SH2B2: variants seen among roughly 807,000 people sequenced by gnomAD.
SH2B2 encodes the protein SH2B adaptor protein 2.
SH2B2 carries 37 observed loss-of-function variants against 35.7 expected under a neutral mutation model. The ratio of observed to expected loss-of-function variants is 1.04; its 90% confidence interval spans 0.80 to 1.36. The LOEUF (loss-of-function observed/expected upper bound fraction) is 1.36, where lower values mean the gene tolerates loss of function less well. Ranked by LOEUF, SH2B2 falls within the 40% of genes most tolerant of loss-of-function variation. The pLI, the probability that SH2B2 is intolerant of heterozygous loss-of-function variation, is 0.00. For missense variants in SH2B2, 852 were observed against 817.7 expected (o/e 1.04, Z -0.51); for synonymous variants, 383 against 376.4 (o/e 1.02, Z -0.20).
At position 102,321,331 on chromosome 7, in the gene SH2B2, TC is replaced by T. The variant is rs1554558452; in HGVS notation, c.1604del (p.Pro535ArgfsTer113). 4.9e-6 allele frequency: 7 copies of T among 1,435,688 alleles called. No homozygotes were observed. Among genetic ancestry groups the T allele is most frequent in the South Asian group, 4.1e-5 (3 of 73,200 alleles). 88.9% of individuals were successfully genotyped at this position (1,435,688 alleles called of 1,614,324 possible). Reference sequence around the variant, plus strand: ...CCCCACGCCCCCTGCCGCGCCCGCGTCCCCGGCCTGCTGGAGCGACTCGCCC... The same window carrying T: ...CCCCACGCCCCCTGCCGCGCCCGCGTCCCGGCCTGCTGGAGCGACTCGCCC... ...PGPTPPAAPA[S>X]PACWSDSPGQ... On this transcript the variant is annotated frameshift_variant, in exon 9 of 9. Coordinates refer to ENST00000444095, the MANE Select transcript of SH2B2 (RefSeq NM_001359228.2). LOFTEE classifies it low-confidence loss of function (END_TRUNC).
At chr7:102,306,235 C>T (rs1793393539) in intron 2 of SH2B2, among the ~76,000 whole-genome samples, 1 of 152,180 alleles carries the variant, frequency 6.6e-6, no homozygotes, top group Non-Finnish European at 1.5e-5. Context: ...TACAGGCATG[C>T]ACCACCACGC....
chr7:102,312,372 C>G (rs984483271), intron 4 of SH2B2, among the ~76,000 whole-genome samples: 3 of 152,046 alleles, frequency 2.0e-5, no homozygotes, highest in Non-Finnish European at 2.9e-5. Flanking sequence ...GAGACTCTGT[C>G]TCAAAAAAAG....
chr7:102,299,678 A>G lies in SH2B2; in HGVS notation c.-29-844A>G, dbSNP rs115175234. Among the ~76,000 whole-genome samples the G allele has an allele frequency of 8.6e-3, 1,307 of 152,260 alleles. 17 individuals carry two copies. Among genetic ancestry groups the G allele is most frequent in the African/African-American group, 0.03 (1,234 of 41,540 alleles). ...GGAGCTGAGTCCTCGGTATATTTCA[A>G]AGGTCCAGCCAGCAGGATTCCATGT... On this transcript the variant is annotated intron_variant, in intron 1 of 8. Transcript: ENST00000444095.
rs1196873331 is a variant in SH2B2 at position 102,313,509 on chromosome 7, A to G, written c.924-827A>G. Reference sequence around the variant, plus strand: ...GCTATGTTGCCCGAGCTGATCTCAAACTCCTGACCTCAAGTGATCCTCCCA... The same window carrying G: ...GCTATGTTGCCCGAGCTGATCTCAAGCTCCTGACCTCAAGTGATCCTCCCA... On this transcript the variant is annotated intron_variant, in intron 4 of 8. Transcript: ENST00000444095. Among the ~76,000 whole-genome samples, 15 of 152,128 alleles carry G rather than the reference A, an allele frequency of 9.9e-5. No individual in the cohort carries two copies. In the East Asian group the frequency reaches 2.9e-3, roughly 29 times the overall value.
intron 1 of SH2B2, among the ~76,000 whole-genome samples, chr7:102,288,881 T>C (rs1792561501): frequency 6.6e-6 from 1 of 152,240 alleles, no homozygotes; most frequent in African/African-American, 2.4e-5. Flanking sequence ...CTGGCACTTC[T>C]TGCCCTGCCT....
Position 102,301,062 on chromosome 7 carries a change from C to G in SH2B2, c.512C>G (p.Pro171Arg). The G allele has an allele frequency of 1.4e-6, 2 of 1,381,930 alleles. No individual in the cohort carries two copies. The highest frequency in any genetic ancestry group is 1.9e-6 in the Non-Finnish European group (2 of 1,072,590). The allele number at this position is 1,381,930 out of a possible 1,614,324, so 85.6% of individuals were successfully genotyped here. A position where few individuals can be genotyped will look rare whatever the true frequency, so the allele number is the denominator to read the frequency against. ...DAAAAPRTAEPRDKWTRRLRL... is the reference protein window; with the variant it reads ...DAAAAPRTAERRDKWTRRLRL... ...GCAGCTGCCCCGCGCACCGCCGAGC[C>G]CCGCGACAAGTGGACGCGGCGCCTG... Residue 171 changes from proline (P) to arginine (R), a missense_variant, in exon 2 of 9, where the codon CCC becomes CGC. Pro to Arg is a moderately radical substitution (Grantham distance 103). Around this residue, in one of 3 missense-constraint regions of SH2B2, gnomAD observed 294 missense variants for 286.6 expected, o/e 1.03. Transcript: ENST00000444095.
Position 102,298,047 on chromosome 7 carries a change from AATT to A in SH2B2, c.-29-2474_-29-2472del, listed in dbSNP as rs1763490485. Among the ~76,000 whole-genome samples, 4 of 152,174 alleles carry A rather than the reference AATT, an allele frequency of 2.6e-5. No homozygotes were observed. In the South Asian group the frequency reaches 6.2e-4, roughly 24 times the overall value. On this transcript the variant is annotated intron_variant, in intron 1 of 8. Transcript: ENST00000444095. ...GCATGTGCAAAGGTCCTGAGGTAGAAATTTGGCTGCTATGCTTCTGGGAGGGCA... is the reference window on the plus strand; with the variant it reads ...GCATGTGCAAAGGTCCTGAGGTAGAATGGCTGCTATGCTTCTGGGAGGGCA...
At chr7:102,289,135 C>T (rs1792573643) in intron 1 of SH2B2, among the ~76,000 whole-genome samples, 2 of 152,178 alleles carry the variant, frequency 1.3e-5, no homozygotes, top group African/African-American at 4.8e-5. Flanking sequence ...CCTGTTTGGG[C>T]AGAGCAAGGC....
Position 102,300,534 on chromosome 7 carries a change from G to A in SH2B2, c.-17G>A. 1.3e-6 allele frequency: 2 copies of A among 1,536,876 alleles called. No individual in the cohort carries two copies. Among genetic ancestry groups the A allele is most frequent in the Non-Finnish European group, 1.7e-6 (2 of 1,143,546 alleles). On this transcript the variant is annotated 5_prime_UTR_variant, in exon 2 of 9. Coordinates refer to ENST00000444095, the MANE Select transcript of SH2B2 (RefSeq NM_001359228.2). ...TTCTCGCCCGAAGCCGCAGGTGGCT[G>A]CGATGGGACGGAAGCCATGAATGGT...
Position 102,301,726 on chromosome 7 carries a change from C to G in SH2B2, c.729+447C>G, listed in dbSNP as rs146661085. 2.0e-5 allele frequency among the ~76,000 whole-genome samples: 3 copies of G among 151,984 alleles called. No individual in the cohort carries two copies. In the East Asian group the frequency reaches 5.8e-4, roughly 29 times the overall value. On this transcript the variant is annotated intron_variant, in intron 2 of 8. Transcript: ENST00000444095. ...AGCTGGGATTTACAGGCACCCACCA[C>G]GATGCCCGGCTAATTTTTGTATTTT...
intron 2 of SH2B2, among the ~76,000 whole-genome samples, chr7:102,303,274 G>A (rs1184963068): frequency 6.6e-6 from 1 of 151,918 alleles, no homozygotes; most frequent in Non-Finnish European, 1.5e-5. Flanking sequence ...TCCCAAGAAC[G>A]AAAGGAACAT....
upstream of SH2B2, chr7:102,286,799 G>A (rs1792467985): frequency 1.5e-5 from 2 of 129,634 alleles, no homozygotes; most frequent in African/African-American, 5.6e-5. Context: ...GGGGGGGCGG[G>A]GCCGGGGCTC....
Position 102,306,701 on chromosome 7 carries a change from A to T in SH2B2, c.730-20A>T, listed in dbSNP as rs1554554898. ...TCGGGAAATGCTGGGGCCACTCACT[A>T]TCCTTCTTCTGGCCCCCAGGCCTCC... On this transcript the variant is annotated intron_variant, in intron 2 of 8. Coordinates refer to ENST00000444095, the MANE Select transcript of SH2B2 (RefSeq NM_001359228.2). 3 of 1,549,534 alleles carry T rather than the reference A, an allele frequency of 1.9e-6. No homozygotes were observed. Among genetic ancestry groups the T allele is most frequent in the Non-Finnish European group, 2.6e-6 (3 of 1,139,726 alleles).
intron 4 of SH2B2, chr7:102,309,134 C>G (rs1384212380): frequency 1.2e-5 from 8 of 649,346 alleles, no homozygotes; most frequent in Non-Finnish European, 2.0e-5. Context: ...GCCTGGGGAC[C>G]TGGAAGGAAG....
intron 1 of SH2B2, among the ~76,000 whole-genome samples, chr7:102,299,537 C>T (rs1329854642): frequency 1.3e-5 from 2 of 152,012 alleles, no homozygotes; most frequent in Admixed American, 6.6e-5. Context: ...GGGAGGAGAA[C>T]AGACTTTAGA....
chr7:102,314,004 T>G (rs1202264632), intron 4 of SH2B2, among the ~76,000 whole-genome samples: 1 of 152,216 alleles, frequency 6.6e-6, no homozygotes, highest in African/African-American at 2.4e-5. Context: ...AAGGGACTTT[T>G]GTTTCTCTGG....
chr7:102,290,578 A>G (rs550870303), intron 1 of SH2B2, among the ~76,000 whole-genome samples: 105 of 151,940 alleles, frequency 6.9e-4, no homozygotes, highest in Non-Finnish European at 1.3e-3. Flanking sequence ...CCTCTTGTCC[A>G]TTCTGCAGCC....
intron 1 of SH2B2, among the ~76,000 whole-genome samples, chr7:102,295,938 CATT>C (rs1474438727): frequency 1.3e-5 from 2 of 152,178 alleles, no homozygotes; most frequent in Non-Finnish European, 2.9e-5. Context: ...GCCCCCAACT[CATT>C]GTTCAGGCCC....
At chr7:102,290,089 C>G (rs560248918) in intron 1 of SH2B2, among the ~76,000 whole-genome samples, 2 of 150,090 alleles carry the variant, frequency 1.3e-5, no homozygotes, top group Non-Finnish European at 3.0e-5. Context: ...CCCCGCCCCC[C>G]CACCCAGCCG....
Sources: allele counts gnomAD v4.1 joint callset (sites outside exome capture counted in the v4.1 genomes callset), GRCh38; gene constraint gnomAD v4.1.1; regional missense constraint gnomAD v4.1.1; transcripts MANE v1.5; gene names NCBI Gene and HGNC (gene_info 2026-07-23, HGNC 2026-07-21).